ERGIC1: variants seen among roughly 807,000 people sequenced by gnomAD.
ERGIC1 encodes endoplasmic reticulum-Golgi intermediate compartment protein 1.
A neutral mutation model predicts 38.3 loss-of-function variants in ERGIC1; 19 were observed. The observed-to-expected ratio is 0.50, with a 90% confidence interval of 0.35 to 0.73. The LOEUF (loss-of-function observed/expected upper bound fraction) is 0.73. Among genes scored for constraint, ERGIC1 ranks in the 30% least tolerant of loss-of-function variants. The probability of loss-of-function intolerance (pLI) is 0.01; values close to 1 mark genes in which losing one functional copy is unlikely to be tolerated. For synonymous variants in ERGIC1, 124 were observed against 157.6 expected (o/e 0.79, Z 1.60); for missense variants, 294 against 389.2 (o/e 0.76, Z 2.06).
intron 9 of ERGIC1, among the ~76,000 whole-genome samples, chr5:172,947,876 T>TTGTGTGTGTGTGTGTGTG (rs10566172): frequency 2.7e-5 from 4 of 145,728 alleles, no homozygotes; most frequent in South Asian, 2.2e-4. Context: ...CAGATGTGTT[T>TTGTGTGTGTGTGTGTGTG]TGTGTGTGTG....
intron 1 of ERGIC1, among the ~76,000 whole-genome samples, chr5:172,850,810 T>G (rs1049809294): frequency 5.9e-5 from 9 of 152,178 alleles, no homozygotes; most frequent in African/African-American, 2.2e-4. Context: ...GCATCAGAGG[T>G]TGAGTTTTGC....
chr5:172,899,300 G>A (rs1345936878), intron 3 of ERGIC1, among the ~76,000 whole-genome samples: 1 of 147,766 alleles, frequency 6.8e-6, no homozygotes, highest in Non-Finnish European at 1.5e-5. Flanking sequence ...AGGTAGAATT[G>A]GGAGTTACTT....
intron 9 of ERGIC1, among the ~76,000 whole-genome samples, chr5:172,949,040 G>A (rs1176258916): frequency 6.6e-6 from 1 of 152,178 alleles, no homozygotes; most frequent in Non-Finnish European, 1.5e-5. Context: ...GTGACAGAGT[G>A]AGACCCTGTC....
rs1199270078 is a variant in ERGIC1 at position 172,951,689 on chromosome 5, A to C, written c.*873A>C. ...GTGGCAGGGAGTGGGGGTTGTGTAA[A>C]GGGGAAGTCATCTTTTGAGATCCAG... On this transcript the variant is annotated 3_prime_UTR_variant, in exon 10 of 10. Transcript: ENST00000393784. 3 of 152,238 alleles carry C rather than the reference A, an allele frequency of 2.0e-5. No homozygotes were observed. The highest frequency in any genetic ancestry group is 7.2e-5 in the African/African-American group (3 of 41,442). 9.4% of individuals were successfully genotyped at this position (152,238 alleles called of 1,614,324 possible).
chr5:172,925,871 A>G (rs915485237), intron 6 of ERGIC1, among the ~76,000 whole-genome samples: 2 of 151,858 alleles, frequency 1.3e-5, no homozygotes, highest in African/African-American at 4.8e-5. Context: ...CTGGTTTCCC[A>G]TTGTCCTCAG....
At position 172,939,186 on chromosome 5, in the gene ERGIC1, C is replaced by A. The variant is rs1373683200; in HGVS notation, c.765+3876C>A. On this transcript the variant is annotated intron_variant, in intron 9 of 9. Coordinates refer to ENST00000393784, the MANE Select transcript of ERGIC1 (RefSeq NM_001031711.3). ...CCCCCGTAGCAGGCACCAGGGTCAG[C>A]TGAATCATACGCAGTCCCTGCCTTG... Among the ~76,000 whole-genome samples, 4 of 152,238 alleles carry A rather than the reference C, an allele frequency of 2.6e-5. No homozygotes were observed. In the East Asian group the frequency reaches 7.7e-4, roughly 29 times the overall value.
At chr5:172,924,130 A>G in intron 6 of ERGIC1, 21 bp downstream of exon 6, 4 of 1,611,612 alleles carry the variant, frequency 2.5e-6, no homozygotes, top group Non-Finnish European at 3.4e-6. Flanking sequence ...GACACTCGAG[A>G]TGGCATGGCC....
At chr5:172,932,174 A>G (rs1181829801) in intron 7 of ERGIC1, among the ~76,000 whole-genome samples, 2 of 152,088 alleles carry the variant, frequency 1.3e-5, no homozygotes, top group Non-Finnish European at 2.9e-5. Context: ...TCACTCTTTC[A>G]TGGTTGCTCT....
intron 3 of ERGIC1, among the ~76,000 whole-genome samples, chr5:172,908,308 G>GT (rs1325065037): frequency 0.046 from 163 of 3,558 alleles, 15 homozygotes; most frequent in Middle Eastern, 0.25. Context: ...GGCGGGGGCG[G>GT]GGGGGGGGGG....
At chr5:172,908,778 C>T (rs893681475) in intron 3 of ERGIC1, among the ~76,000 whole-genome samples, 5 of 152,156 alleles carry the variant, frequency 3.3e-5, no homozygotes, top group African/African-American at 4.8e-5. Context: ...AAGCCATTCC[C>T]GTTGTGATAA....
Position 172,837,176 on chromosome 5 carries a change from C to G in ERGIC1, c.20+2743C>G, listed in dbSNP as rs1406067715. 6.6e-6 allele frequency among the ~76,000 whole-genome samples: 1 copy of G among 152,194 alleles called. No individual in the cohort carries two copies. The highest frequency in any genetic ancestry group is 1.5e-5 in the Non-Finnish European group (1 of 68,038). ...AATCAGAAGCAGGAAAAATAGTGCA[C>G]TCTTGCCCTTCCCTACGGATACTTC... is the stretch of plus-strand genomic sequence containing the variant. On this transcript the variant is annotated intron_variant, in intron 1 of 9. Coordinates refer to ENST00000393784, the MANE Select transcript of ERGIC1 (RefSeq NM_001031711.3). The surrounding 1 kb of genome is among the most constrained non-coding windows in gnomAD (Gnocchi z 4.3).
At chr5:172,853,640 G>T (rs922655753) in intron 1 of ERGIC1, among the ~76,000 whole-genome samples, 1 of 152,214 alleles carries the variant, frequency 6.6e-6, no homozygotes, top group African/African-American at 2.4e-5. Flanking sequence ...GGGAATCAGG[G>T]TCCAGGCCTT....
At chr5:172,901,343 T>G (rs1400394664) in intron 3 of ERGIC1, among the ~76,000 whole-genome samples, 1 of 152,150 alleles carries the variant, frequency 6.6e-6, no homozygotes, top group Non-Finnish European at 1.5e-5. Context: ...CAGAGTGTTC[T>G]GAAACTCCGT....
intron 3 of ERGIC1, among the ~76,000 whole-genome samples, chr5:172,906,979 C>G (rs1304886420): frequency 6.6e-6 from 1 of 152,190 alleles, no homozygotes; most frequent in Non-Finnish European, 1.5e-5. Context: ...TCCAAGGGCT[C>G]TCAGCCCAAA....
In ERGIC1 at chr5:172,922,764, G is replaced by A. The variant is rs531429603; in HGVS notation, c.376-1241G>A. On this transcript the variant is annotated intron_variant, in intron 5 of 9. Transcript: ENST00000393784. ...CCACGAGGACATGGACCTGGACTCT[G>A]AGAGAATAGAAGCCGTGGAGGGTTC... Among the ~76,000 whole-genome samples the A allele has an allele frequency of 3.3e-5, 5 of 152,360 alleles. No homozygotes were observed. In the East Asian group the frequency reaches 7.7e-4, roughly 23 times the overall value.
intron 1 of ERGIC1, among the ~76,000 whole-genome samples, chr5:172,863,971 G>T (rs1009333265): frequency 6.6e-6 from 1 of 152,162 alleles, no homozygotes; most frequent in African/African-American, 2.4e-5. Context: ...AGAGGCGGGC[G>T]GATCACTTGC....
chr5:172,919,147 G>A (rs989527465), intron 5 of ERGIC1, among the ~76,000 whole-genome samples: 1 of 152,202 alleles, frequency 6.6e-6, no homozygotes, highest in Admixed American at 6.5e-5. Context: ...CCAGTGCTCA[G>A]GTAAACAGGA....
chr5:172,881,317 C>T (rs780747987), intron 1 of ERGIC1, among the ~76,000 whole-genome samples: 32 of 152,282 alleles, frequency 2.1e-4, no homozygotes, highest in Middle Eastern at 3.4e-3. Flanking sequence ...ACAGGGACCA[C>T]GGTGTACTCA....
chr5:172,878,483 G>A (rs757710312), intron 1 of ERGIC1, among the ~76,000 whole-genome samples: 7 of 152,178 alleles, frequency 4.6e-5, no homozygotes, highest in East Asian at 1.9e-4. Context: ...AAAGTGATCC[G>A]AGATACTGAA....
Sources: allele counts gnomAD v4.1 joint callset (sites outside exome capture counted in the v4.1 genomes callset), GRCh38; gene constraint gnomAD v4.1.1; non-coding constraint Gnocchi (gnomAD v3.1); transcripts MANE v1.5; gene names NCBI Gene and HGNC (gene_info 2026-07-23, HGNC 2026-07-21).